The following PLXDC2 variants were observed in gnomAD, a reference collection of about 807,000 sequenced individuals.
The protein encoded by PLXDC2 is plexin domain-containing protein 2.
PLXDC2 carries 40 observed loss-of-function variants against 68.9 expected under a neutral mutation model. The observed-to-expected ratio is 0.58, with a 90% CI of 0.45 to 0.76. The LOEUF is 0.76. Ranked by LOEUF, PLXDC2 falls within the 30% of genes least tolerant of loss-of-function variation. The pLI is 0.00. For synonymous variants in PLXDC2, 243 were observed against 234.2 expected (o/e 1.04, Z -0.34); for missense variants, 644 against 661.9 (o/e 0.97, Z 0.30).
chr10:19,865,189 G>C (rs1023325370), intron 1 of PLXDC2, among the ~76,000 whole-genome samples: 1 of 152,292 alleles, frequency 6.6e-6, no homozygotes, highest in East Asian at 1.9e-4. Context: ...GTAAGACCAC[G>C]GATTTTCTGA....
intron 6 of PLXDC2, among the ~76,000 whole-genome samples, chr10:20,160,337 C>T (rs7074575): frequency 0.58 from 88,622 of 151,846 alleles, 26,422 homozygotes; most frequent in African/African-American, 0.68. Context: ...AATATGTACA[C>T]TTAAAAAACT....
intron 13 of PLXDC2, among the ~76,000 whole-genome samples, chr10:20,275,009 T>C (rs1188108868): frequency 6.6e-6 from 1 of 152,084 alleles, no homozygotes; most frequent in Non-Finnish European, 1.5e-5. Flanking sequence ...TGTTAAGAAA[T>C]ATTCAACACA....
At chr10:20,138,167 A>G (rs1179555560) in intron 4 of PLXDC2, among the ~76,000 whole-genome samples, 1 of 152,234 alleles carries the variant, frequency 6.6e-6, no homozygotes, top group African/African-American at 2.4e-5. Context: ...GAAATATACC[A>G]CAGGAACTTA....
In PLXDC2 at chr10:19,863,711, A is replaced by G. The variant is rs1837361334; in HGVS notation, c.112+46520A>G. Among the ~76,000 whole-genome samples, 5 of 152,250 alleles carry G rather than the reference A, an allele frequency of 3.3e-5. No individual in the cohort carries two copies. In the South Asian group the frequency reaches 1.0e-3, roughly 31 times the overall value. ...GTAGCTTGTTTATTAAAAATTAACAAGCATTTTTTTATGTCAGTTCAAAGT... is the reference window on the plus strand; with the variant it reads ...GTAGCTTGTTTATTAAAAATTAACAGGCATTTTTTTATGTCAGTTCAAAGT... On this transcript the variant is annotated intron_variant, in intron 1 of 13. Transcript: ENST00000377252.
intron 1 of PLXDC2, among the ~76,000 whole-genome samples, chr10:19,940,219 A>G (rs572091523): frequency 4.6e-5 from 7 of 152,122 alleles, no homozygotes; most frequent in Admixed American, 3.3e-4. Context: ...TTTAAAATAT[A>G]GTGAAGAACC....
At chr10:20,136,823 T>C (rs1374893312) in intron 4 of PLXDC2, among the ~76,000 whole-genome samples, 1 of 152,248 alleles carries the variant, frequency 6.6e-6, no homozygotes, top group Non-Finnish European at 1.5e-5. Context: ...TGAAGTAGAA[T>C]ATTTTATGGA....
chr10:19,933,596 G>C (rs1833675971), intron 1 of PLXDC2, among the ~76,000 whole-genome samples: 1 of 152,032 alleles, frequency 6.6e-6, no homozygotes, highest in Admixed American at 6.6e-5. Context: ...TTGAGCCACT[G>C]ACCTCCAGTC....
chr10:20,190,658 G>A (rs1216509053), intron 9 of PLXDC2, among the ~76,000 whole-genome samples: 3 of 151,248 alleles, frequency 2.0e-5, no homozygotes, highest in African/African-American at 7.3e-5. Context: ...TACATTAACA[G>A]TTTTCTATTG....
chr10:20,091,732 A>G (rs983284291), intron 4 of PLXDC2: 2 of 152,092 alleles, frequency 1.3e-5, no homozygotes, highest in Non-Finnish European at 2.9e-5. Flanking sequence ...CAGATTCCTT[A>G]CCTGGATTAT....
chr10:19,979,149 T>C (rs1032554085), intron 1 of PLXDC2, among the ~76,000 whole-genome samples: 1 of 152,156 alleles, frequency 6.6e-6, no homozygotes, highest in Admixed American at 6.5e-5. Flanking sequence ...TCATTTGCTA[T>C]GGGACCTTTT....
chr10:20,255,839 G>T (rs1835735168), intron 13 of PLXDC2, among the ~76,000 whole-genome samples: 1 of 152,024 alleles, frequency 6.6e-6, no homozygotes, highest in Admixed American at 6.6e-5. Context: ...GGTATTTTTA[G>T]TTTGAAAATG....
In PLXDC2 at chr10:19,817,101, G is replaced by T. The variant is rs1016181126; in HGVS notation, c.22G>T (p.Asp8Tyr). Residue 8 changes from aspartate to tyrosine, a missense_variant, in exon 1 of 14, where the codon GAC becomes TAC. Asp to Tyr is a radical substitution (Grantham distance 160). Coordinates refer to ENST00000377252, the MANE Select transcript of PLXDC2 (RefSeq NM_032812.9). MARFPKA[D>Y]LAAAGVMLLC... ...CGGCATGGCGAGGTTCCCGAAGGCC[G>T]ACCTGGCCGCTGCAGGAGTTATGTT... 8 of 1,559,490 alleles carry T rather than the reference G, an allele frequency of 5.1e-6. No homozygotes were observed. The highest frequency in any genetic ancestry group is 2.3e-5 in the South Asian group (2 of 85,232).
At position 19,959,450 on chromosome 10, in the gene PLXDC2, C is replaced by A. The variant is rs932554451; in HGVS notation, c.113-42325C>A. On this transcript the variant is annotated intron_variant, in intron 1 of 13. Transcript: ENST00000377252. The stretch of plus-strand genomic sequence containing the variant: ...AAAACAGCAAGTATTAAAATGATGT[C>A]TTTGTAGCAGTGAGTTTATTTGGTG... 3.9e-5 allele frequency among the ~76,000 whole-genome samples: 6 copies of A among 152,150 alleles called. 1 individual carries two copies. Among genetic ancestry groups the A allele is most frequent in the African/African-American group, 1.4e-4 (6 of 41,442 alleles).
In PLXDC2 at chr10:20,072,954, CA is replaced by C. The variant is rs541778833; in HGVS notation, c.541+4716del. ...ATAGTCCTATTTGACAGATGCTTGT[CA>C]GCCTTACAAATCTTAAAAATGTTCT... is the stretch of plus-strand genomic sequence containing the variant. On this transcript the variant is annotated intron_variant, in intron 4 of 13. Coordinates refer to ENST00000377252, the MANE Select transcript of PLXDC2 (RefSeq NM_032812.9). 2.6e-5 allele frequency among the ~76,000 whole-genome samples: 4 copies of C among 152,168 alleles called. No homozygotes were observed. In the South Asian group the frequency reaches 8.3e-4, roughly 32 times the overall value.
At chr10:20,030,601 T>C (rs1197144214) in intron 2 of PLXDC2, among the ~76,000 whole-genome samples, 2 of 152,160 alleles carry the variant, frequency 1.3e-5, no homozygotes, top group Non-Finnish European at 2.9e-5. Flanking sequence ...TAGCAAAGAT[T>C]CCTGCCACAG....
At chr10:19,956,783 A>G (rs558822203) in intron 1 of PLXDC2, among the ~76,000 whole-genome samples, 3 of 152,298 alleles carry the variant, frequency 2.0e-5, no homozygotes, top group South Asian at 2.1e-4. Context: ...AGCGTTGTCT[A>G]AAACTTTTGA....
chr10:19,900,237 A>G (rs1838135561), intron 1 of PLXDC2, among the ~76,000 whole-genome samples: 1 of 152,296 alleles, frequency 6.6e-6, no homozygotes, highest in Non-Finnish European at 1.5e-5. Context: ...TAGAGAAAAT[A>G]TGGAGAACAG....
At chr10:19,898,310 T>C (rs1838097851) in intron 1 of PLXDC2, among the ~76,000 whole-genome samples, 1 of 152,214 alleles carries the variant, frequency 6.6e-6, no homozygotes, top group African/African-American at 2.4e-5. Context: ...CAGTTTAAAC[T>C]TGACATCAAG....
At chr10:19,830,610 G>T (rs1414400470) in intron 1 of PLXDC2, among the ~76,000 whole-genome samples, 1 of 152,136 alleles carries the variant, frequency 6.6e-6, no homozygotes, top group Non-Finnish European at 1.5e-5. Context: ...TTGTTCTCCT[G>T]GGTTTCTTTT....
Sources: gnomAD v4.1 joint callset for allele counts (sites outside exome capture counted in the v4.1 genomes callset) on GRCh38, gnomAD v4.1.1 for gene constraint, MANE v1.5 for transcripts, NCBI Gene and HGNC (gene_info 2026-07-23, HGNC 2026-07-21) for gene names.